Variants in CDCA2 observed in about 807,000 individuals in gnomAD.
CDCA2 encodes the protein cell division cycle associated 2.
CDCA2 carries 44 observed loss-of-function variants against 67.0 expected under a neutral mutation model. That is an observed-to-expected ratio of 0.66 (90% CI 0.52 to 0.84). The LOEUF is 0.84. CDCA2 is among the 40% of genes least tolerant of loss of function. The pLI, the probability that CDCA2 is intolerant of heterozygous loss-of-function variation, is 0.00. For missense variants in CDCA2, 1,253 were observed against 1,203.2 expected (o/e 1.04, Z -0.61); for synonymous variants, 447 against 418.7 (o/e 1.07, Z -0.82).
Position 25,462,924 on chromosome 8 carries a change from C to T in CDCA2, c.387+716C>T, listed in dbSNP as rs372000366. On this transcript the variant is annotated intron_variant, in intron 4 of 14. Coordinates refer to ENST00000330560, the MANE Select transcript of CDCA2 (RefSeq NM_152562.4). ...TTGAACTCCTGACCCTAAGCAATCC[C>T]TATCAAAGTGCTGGGGTTACAGGTG... Among the ~76,000 whole-genome samples the T allele has an allele frequency of 2.0e-4, 30 of 152,300 alleles. No individual in the cohort carries two copies. The South Asian group carries it at 5.4e-3, about 27-fold the overall frequency.
intron 7 of CDCA2, among the ~76,000 whole-genome samples, chr8:25,473,126 G>T (rs1803223505): frequency 6.6e-6 from 1 of 152,078 alleles, no homozygotes; most frequent in South Asian, 2.1e-4. Flanking sequence ...TTTGTGCCTG[G>T]CTTATTTCAC....
rs1586535740 is a variant in CDCA2 at position 25,503,476 on chromosome 8, C to T, written c.1775C>T (p.Pro592Leu). The T allele has an allele frequency of 1.1e-5, 18 of 1,614,038 alleles. No homozygotes were observed. The East Asian group carries it at 4.0e-4, about 36-fold the overall frequency. Reference protein sequence around the residue: ...DIASKKPLLSPIPELPEVPEM... With the variant: ...DIASKKPLLSLIPELPEVPEM... ...GCTTCTAAGAAGCCCCTCCTCAGTC[C>T]TATTCCCGAGCTGCCTGAAGTCCCT... The change falls in exon 14 of 15, where the codon CCT (proline) becomes CTT (leucine). Residue 592 changes from proline (P) to leucine (L), a missense_variant. Transcript: ENST00000330560.
At chr8:25,504,357 T>C (rs970269147) in intron 14 of CDCA2, among the ~76,000 whole-genome samples, 9 of 151,902 alleles carry the variant, frequency 5.9e-5, no homozygotes, top group African/African-American at 2.2e-4. Flanking sequence ...TCTCAAACTC[T>C]TGGGCTCAAA....
At chr8:25,485,196 A>ATAG (rs1803722969) in intron 10 of CDCA2, among the ~76,000 whole-genome samples, 2 of 96,234 alleles carry the variant, frequency 2.1e-5, no homozygotes, top group Admixed American at 1.2e-4. Flanking sequence ...AATAATAATA[A>ATAG]TAATAATAAT....
intron 1 of CDCA2, among the ~76,000 whole-genome samples, 198 bp downstream of exon 1, chr8:25,459,671 G>A (rs1802595953): frequency 6.6e-6 from 1 of 152,182 alleles, no homozygotes; most frequent in Admixed American, 6.5e-5. Flanking sequence ...TATGATTCAG[G>A]TTTTCGCTAC....
intron 10 of CDCA2, among the ~76,000 whole-genome samples, chr8:25,485,180 T>TATA (rs59602718): frequency 0.41 from 47,064 of 113,616 alleles, 7,635 homozygotes; most frequent in East Asian, 0.49. Context: ...AAACTTAAAG[T>TATA]ATAATAATAA....
At chr8:25,485,289 A>C (rs1197372940) in intron 10 of CDCA2, among the ~76,000 whole-genome samples, 1 of 151,780 alleles carries the variant, frequency 6.6e-6, no homozygotes, top group Non-Finnish European at 1.5e-5. Flanking sequence ...GTAATAAAAG[A>C]ATTTCTTCAA....
chr8:25,504,691 TCTC>T (rs1162040711), intron 14 of CDCA2, among the ~76,000 whole-genome samples: 1 of 152,094 alleles, frequency 6.6e-6, no homozygotes, highest in Admixed American at 6.5e-5. Context: ...CTCACACTCT[TCTC>T]CTGCCATGCT....
intron 7 of CDCA2, among the ~76,000 whole-genome samples, chr8:25,471,872 A>T (rs1454937135): frequency 1.3e-5 from 2 of 152,196 alleles, no homozygotes; most frequent in Non-Finnish European, 2.9e-5. Flanking sequence ...GTGTAATTAA[A>T]CAGGGAAGAA....
At chr8:25,469,597 A>G (rs183676598) in intron 6 of CDCA2, among the ~76,000 whole-genome samples, 123 of 152,374 alleles carry the variant, frequency 8.1e-4, no homozygotes, top group African/African-American at 2.7e-3. Context: ...GGCTATAACA[A>G]CAAAAATATA....
In CDCA2 at chr8:25,466,295, G is replaced by T. The variant is rs192134549; in HGVS notation, c.508G>T (p.Ala170Ser). 1 of 1,607,280 alleles carries T rather than the reference G, an allele frequency of 6.2e-7. No homozygotes were observed. Among genetic ancestry groups the T allele is most frequent in the Non-Finnish European group, 8.5e-7 (1 of 1,178,336 alleles). The change falls in exon 5 of 15, where the codon GCA becomes TCA. Residue 170 changes from alanine (A) to serine (S), a missense_variant. Coordinates refer to ENST00000330560, the MANE Select transcript of CDCA2 (RefSeq NM_152562.4). Reference protein sequence around the residue: ...KMTGCLEFSEAGKESEMTDLT... With the variant: ...KMTGCLEFSESGKESEMTDLT... The stretch of plus-strand genomic sequence containing the variant: ...GACCGGCTGTCTGGAATTCTCAGAG[G>T]CAGGAAAAGAGTCCGAGATGACAGA...
chr8:25,502,632 G>C (rs1417644884), intron 13 of CDCA2, among the ~76,000 whole-genome samples: 1 of 151,790 alleles, frequency 6.6e-6, no homozygotes, highest in Non-Finnish European at 1.5e-5. Flanking sequence ...TCTTCATCCG[G>C]ACCTGGGAGC....
rs189437139 is a variant in CDCA2, at chr8:25,474,596, T to C, written c.820+4616T>C. Reference sequence around the variant, plus strand: ...CAGGTTCTCTGGTTGCTTCCTGTGCTCTGAAGTCAAATGATATTGCTAGCT... The same window carrying C: ...CAGGTTCTCTGGTTGCTTCCTGTGCCCTGAAGTCAAATGATATTGCTAGCT... On this transcript the variant is annotated intron_variant, in intron 7 of 14. Transcript: ENST00000330560. 2.4e-4 allele frequency among the ~76,000 whole-genome samples: 37 copies of C among 152,360 alleles called. No individual in the cohort carries two copies. In the East Asian group the frequency reaches 6.2e-3, roughly 25 times the overall value.
chr8:25,486,823 C>G (rs548766337), intron 11 of CDCA2, among the ~76,000 whole-genome samples: 1 of 151,902 alleles, frequency 6.6e-6, no homozygotes, highest in Non-Finnish European at 1.5e-5. Flanking sequence ...TCAAAAAAAA[C>G]AAGTGGTCAA....
chr8:25,460,387 A>G lies in CDCA2; in HGVS notation c.65A>G (p.Asn22Ser). The change falls in exon 3 of 15, where the codon AAT becomes AGT. Residue 22 changes from asparagine to serine, a missense_variant. Physicochemically the swap from Asn to Ser is conservative, Grantham distance 46 (BLOSUM62 1). Coordinates refer to ENST00000330560, the MANE Select transcript of CDCA2 (RefSeq NM_152562.4). ...TACAATATGTCGTCCGTTTCAGGAA[A>G]TGCCTCTTTCATTTTGGGAACTGGG... The part of the protein sequence containing the change: ...TKESAMNNAG[N>S]ASFILGTGKI... 1 of 1,614,194 alleles carries G rather than the reference A, an allele frequency of 6.2e-7. No individual in the cohort carries two copies. The highest frequency in any genetic ancestry group is 1.1e-5 in the South Asian group (1 of 91,086).
chr8:25,473,454 A>G (rs1320162632), intron 7 of CDCA2, among the ~76,000 whole-genome samples: 1 of 152,112 alleles, frequency 6.6e-6, no homozygotes, highest in Admixed American at 6.6e-5. Flanking sequence ...ATTTTTCAAG[A>G]GCGTTTATTA....
chr8:25,490,348 A>T (rs1014790781), intron 13 of CDCA2, among the ~76,000 whole-genome samples: 3 of 152,014 alleles, frequency 2.0e-5, no homozygotes, highest in African/African-American at 4.8e-5. Flanking sequence ...CCATTTAGGT[A>T]CTAAAAGGAA....
intron 4 of CDCA2, among the ~76,000 whole-genome samples, chr8:25,464,814 A>C (rs1382672367): frequency 6.6e-6 from 1 of 152,164 alleles, no homozygotes; most frequent in Non-Finnish European, 1.5e-5. Flanking sequence ...ATTGCTGTTT[A>C]TGTCGTGAAC....
intron 8 of CDCA2, 92 bp from the exon 9 acceptor site, chr8:25,483,307 A>T: frequency 1.5e-6 from 1 of 662,076 alleles, no homozygotes; most frequent in Non-Finnish European, 2.5e-6. Flanking sequence ...ATCTATCTGC[A>T]GTTGACAGAG....
Sources: gnomAD v4.1 joint callset for allele counts (sites outside exome capture counted in the v4.1 genomes callset) on GRCh38, gnomAD v4.1.1 for gene constraint, MANE v1.5 for transcripts, NCBI Gene and HGNC (gene_info 2026-07-23, HGNC 2026-07-21) for gene names.